The following ABTB2 variants were observed in gnomAD, a reference collection of about 807,000 sequenced individuals.
ABTB2 encodes ankyrin repeat and BTB/POZ domain-containing protein 2.
Under a neutral mutation model 104.1 loss-of-function variants are expected in ABTB2, and 56 were observed. The observed-to-expected ratio is 0.54, with a 90% confidence interval of 0.43 to 0.67. The LOEUF (loss-of-function observed/expected upper bound fraction) is 0.67, where lower values mean the gene tolerates loss of function less well. Ranked by LOEUF, ABTB2 falls within the 30% of genes least tolerant of loss-of-function variation. ABTB2 has a pLI of 0.00. For missense variants in ABTB2, 1,279 were observed against 1,407.7 expected, an observed-to-expected ratio of 0.91 and a Z score of 1.46; for synonymous variants, 606 against 608.2, an observed-to-expected ratio of 1.00 and a Z score of 0.05.
intron 1 of ABTB2, among the ~76,000 whole-genome samples, chr11:34,268,099 T>C (rs1317403567): frequency 6.6e-5 from 10 of 152,062 alleles, no homozygotes; most frequent in African/African-American, 2.2e-4. Context: ...CTCGGCTAAC[T>C]TTTTAATTTT....
chr11:34,315,697 G>T (rs1854919533), intron 1 of ABTB2, among the ~76,000 whole-genome samples: 1 of 152,176 alleles, frequency 6.6e-6, no homozygotes, highest in South Asian at 2.1e-4. Context: ...GTAGCCCGGA[G>T]GCTTTACTGT....
At chr11:34,176,484 A>G (rs574117564) in intron 3 of ABTB2, among the ~76,000 whole-genome samples, 1 of 151,976 alleles carries the variant, frequency 6.6e-6, no homozygotes, top group Non-Finnish European at 1.5e-5. Flanking sequence ...TCCTCAATAA[A>G]TGTTCACTGA....
rs779819181 is a variant in ABTB2, at chr11:34,154,666, T to TGGCCCGGGC, written c.2766+34_2766+35insGCCCGGGCC. On this transcript the variant is annotated intron_variant, in intron 15 of 16. Coordinates refer to ENST00000435224, the MANE Select transcript of ABTB2 (RefSeq NM_145804.3). This position sits in a 1 kb window ranked among gnomAD's most constrained non-coding sequence, Gnocchi z 4.9. ...TGGGAGACCGAGCCGCTGGGCACCC[T>TGGCCCGGGC]AGCCCAGGCCCCCTCCCCCTCTCCC... The TGGCCCGGGC allele has an allele frequency of 1.2e-6, 2 of 1,609,860 alleles. No individual in the cohort carries two copies. Among genetic ancestry groups the TGGCCCGGGC allele is most frequent in the Admixed American group, 1.7e-5 (1 of 59,934 alleles).
chr11:34,288,699 C>T (rs1224429436), intron 1 of ABTB2, among the ~76,000 whole-genome samples: 7 of 151,982 alleles, frequency 4.6e-5, no homozygotes, highest in African/African-American at 9.7e-5. Flanking sequence ...CCCTCAGCCA[C>T]GTTTCCAAGG....
chr11:34,337,335 A>AC (rs1564935713), intron 1 of ABTB2, among the ~76,000 whole-genome samples: 1 of 152,214 alleles, frequency 6.6e-6, no homozygotes, highest in Non-Finnish European at 1.5e-5. Flanking sequence ...TAGGACGGGC[A>AC]CAGCTGACTG....
At position 34,349,498 on chromosome 11, in the gene ABTB2, C is replaced by T. The variant is rs1855373739; in HGVS notation, c.883+7203G>A. On this transcript the variant is annotated intron_variant, in intron 1 of 16. Coordinates refer to ENST00000435224, the MANE Select transcript of ABTB2 (RefSeq NM_145804.3). Reference sequence around the variant, plus strand: ...ATCTCCCTGAGATTTGGGTCGTGACCCTCCTTGCACCAGAGACTTTGGCAA... The same window carrying T: ...ATCTCCCTGAGATTTGGGTCGTGACTCTCCTTGCACCAGAGACTTTGGCAA... Among the ~76,000 whole-genome samples the T allele has an allele frequency of 1.3e-5, 2 of 152,154 alleles. 1 individual carries two copies. Among genetic ancestry groups the T allele is most frequent in the South Asian group, 4.1e-4 (2 of 4,828 alleles).
intron 1 of ABTB2, among the ~76,000 whole-genome samples, chr11:34,331,962 A>G (rs1564934301): frequency 1.3e-5 from 2 of 152,236 alleles, no homozygotes; most frequent in African/African-American, 4.8e-5. Flanking sequence ...CAGGTTTTAC[A>G]AGCCTGAGGG....
intron 1 of ABTB2, among the ~76,000 whole-genome samples, chr11:34,338,837 T>A (rs1355848656): frequency 6.6e-6 from 1 of 152,124 alleles, no homozygotes; most frequent in African/African-American, 2.4e-5. Context: ...AGAGACAGGG[T>A]CTCATCAGCC....
intron 1 of ABTB2, among the ~76,000 whole-genome samples, chr11:34,324,032 T>C (rs2133112579): frequency 6.8e-6 from 1 of 147,878 alleles, no homozygotes; most frequent in South Asian, 2.3e-4. Flanking sequence ...TGCATCAGCC[T>C]CCTAAGTAGC....
intron 1 of ABTB2, among the ~76,000 whole-genome samples, chr11:34,261,130 G>GC (rs368273542): frequency 1.7e-4 from 25 of 151,362 alleles, no homozygotes; most frequent in Non-Finnish European, 2.2e-4. Context: ...CTCCCCGCCT[G>GC]CCCCCCCCAA....
At position 34,159,926 on chromosome 11, in the gene ABTB2, C is replaced by T. The variant is rs145938805; in HGVS notation, c.2586G>A (p.Leu862=). 6.1e-5 allele frequency: 98 copies of T among 1,613,920 alleles called. 2 individuals are homozygous for T. In the African/African-American group the frequency reaches 1.2e-3, roughly 19 times the overall value. Residue 862 remains leucine (L), a synonymous_variant, in exon 13 of 17, where the codon CTG becomes CTA. Transcript: ENST00000435224. ...CCTACCTGTTAGAAGCTGTCACCAG[C>T]AGGACTTTATGTGCATAAAACAGCT... The part of the protein sequence containing the change: ...EGKLFYAHKV[L]LVTASNRFKT...
chr11:34,173,212 A>C lies in ABTB2; in HGVS notation c.1340T>G (p.Ile447Ser), dbSNP rs781156710. 3.7e-6 allele frequency: 6 copies of C among 1,613,548 alleles called. No individual in the cohort carries two copies. In the South Asian group the frequency reaches 6.6e-5, roughly 18 times the overall value. Residue 447 changes from isoleucine to serine, a missense_variant, in exon 4 of 17, where the codon ATC (isoleucine) becomes AGC (serine). Transcript: ENST00000435224. ...RRSLTVDSGD[I>S]RQAARLLLPG... Reference sequence around the variant, plus strand: ...CAGCAGCAGCCGGGCTGCCTGCCGGATGTCGCCGCTGTCCACGGTGAGGCT... The same window carrying C: ...CAGCAGCAGCCGGGCTGCCTGCCGGCTGTCGCCGCTGTCCACGGTGAGGCT...
At chr11:34,322,547 C>T (rs997495439) in intron 1 of ABTB2, among the ~76,000 whole-genome samples, 1 of 151,534 alleles carries the variant, frequency 6.6e-6, no homozygotes, top group African/African-American at 2.4e-5. Context: ...TGCACTCCAG[C>T]CTAGGTGACA....
chr11:34,245,672 C>T (rs1853975443), intron 1 of ABTB2, among the ~76,000 whole-genome samples: 1 of 152,166 alleles, frequency 6.6e-6, no homozygotes, highest in African/African-American at 2.4e-5. Context: ...CTGCCACCTT[C>T]CAGACCACGG....
At chr11:34,155,385 G>C (rs372546991) in intron 14 of ABTB2, among the ~76,000 whole-genome samples, 1 of 152,230 alleles carries the variant, frequency 6.6e-6, no homozygotes, top group African/African-American at 2.4e-5. Flanking sequence ...AGCTCCCCTC[G>C]ACAGGCTGAG....
chr11:34,270,123 G>GT (rs1854296211), intron 1 of ABTB2, among the ~76,000 whole-genome samples: 1 of 152,178 alleles, frequency 6.6e-6, no homozygotes, highest in Admixed American at 6.5e-5. Flanking sequence ...TCAGCATGTA[G>GT]TTCCCCCAAT....
At position 34,245,530 on chromosome 11, in the gene ABTB2, C is replaced by G. The variant is rs558358936; in HGVS notation, c.884-40840G>C. Among the ~76,000 whole-genome samples the G allele has an allele frequency of 6.7e-4, 102 of 152,336 alleles. 1 individual carries two copies. The highest frequency in any genetic ancestry group is 2.4e-3 in the African/African-American group (99 of 41,562). On this transcript the variant is annotated intron_variant, in intron 1 of 16. Transcript: ENST00000435224. Reference sequence around the variant, plus strand: ...GGAGACACCTGCGGCACTCACCAGACTAACTGGGTCTGGCATAGCAATTGA... The same window carrying G: ...GGAGACACCTGCGGCACTCACCAGAGTAACTGGGTCTGGCATAGCAATTGA...
intron 3 of ABTB2, among the ~76,000 whole-genome samples, chr11:34,174,636 C>T (rs1199543025): frequency 1.3e-5 from 2 of 152,264 alleles, no homozygotes; most frequent in African/African-American, 4.8e-5. Context: ...CCAGCTCTGG[C>T]AAGGCTCCGT....
chr11:34,212,500 T>C (rs1309285273), intron 1 of ABTB2, among the ~76,000 whole-genome samples: 2 of 152,192 alleles, frequency 1.3e-5, no homozygotes, highest in Non-Finnish European at 2.9e-5. Context: ...ACTAACCCCA[T>C]TTGCCAGCGA....
Sources: gnomAD v4.1 joint callset for allele counts (sites outside exome capture counted in the v4.1 genomes callset) on GRCh38, gnomAD v4.1.1 for gene constraint, Gnocchi (gnomAD v3.1) non-coding constraint, MANE v1.5 for transcripts, NCBI Gene and HGNC (gene_info 2026-07-23, HGNC 2026-07-21) for gene names.